The following TENM2 variants were observed in gnomAD, a reference collection of about 807,000 sequenced individuals.
TENM2 encodes the protein teneurin-2.
Under a neutral mutation model 245.2 loss-of-function variants are expected in TENM2, and 52 were observed. The ratio of observed to expected loss-of-function variants is 0.21; its 90% CI spans 0.17 to 0.27. TENM2 has a LOEUF of 0.27. TENM2 is among the 10% of genes least tolerant of loss of function. The pLI, the probability that TENM2 is intolerant of heterozygous loss-of-function variation, is 1.00. For missense variants in TENM2, 3,046 were observed against 3,666.8 expected, an observed-to-expected ratio of 0.83 and a Z score of 4.37; for synonymous variants, 1,363 against 1,438.9, an observed-to-expected ratio of 0.95 and a Z score of 1.19.
chr5:167,643,108 T>G (rs1396373414), intron 2 of TENM2, among the ~76,000 whole-genome samples: 1 of 152,206 alleles, frequency 6.6e-6, no homozygotes, highest in East Asian at 1.9e-4. Flanking sequence ...TCTAACAGTT[T>G]TATAGAGGTA....
the TENM2 span, among the ~76,000 whole-genome samples, chr5:166,988,293 G>T: frequency 6.6e-6 from 1 of 152,098 alleles, no homozygotes; most frequent in Non-Finnish European, 1.5e-5. Flanking sequence ...CTGAATCAGA[G>T]AAGCAATGGC....
chr5:167,939,318 T>G (rs560918049), intron 3 of TENM2, among the ~76,000 whole-genome samples: 71 of 152,284 alleles, frequency 4.7e-4, no homozygotes, highest in Non-Finnish European at 2.5e-4. Context: ...GGGTTCACAC[T>G]CCTCTGAAAA....
At chr5:167,127,522 C>T in the TENM2 span, among the ~76,000 whole-genome samples, 6 of 151,378 alleles carry the variant, frequency 4.0e-5, no homozygotes, top group African/African-American at 1.5e-4. Context: ...AAAACATAAC[C>T]TTAAAATTAA....
At chr5:167,893,369 A>C (rs901516498) in intron 3 of TENM2, among the ~76,000 whole-genome samples, 2 of 152,216 alleles carry the variant, frequency 1.3e-5, no homozygotes, top group African/African-American at 4.8e-5. Context: ...CAAGTTGAGC[A>C]GACTTTAACT....
At chr5:167,900,584 G>A (rs1244004982) in intron 3 of TENM2, among the ~76,000 whole-genome samples, 1 of 152,172 alleles carries the variant, frequency 6.6e-6, no homozygotes, top group Admixed American at 6.5e-5. Flanking sequence ...TTGGCTGTGA[G>A]AATTCATCGA....
the TENM2 span, among the ~76,000 whole-genome samples, chr5:167,094,175 T>C: frequency 9.9e-5 from 15 of 152,192 alleles, no homozygotes; most frequent in African/African-American, 3.6e-4. Flanking sequence ...TTTTATATAT[T>C]ACAATTTTCT....
the TENM2 span, among the ~76,000 whole-genome samples, chr5:167,189,593 C>T: frequency 6.6e-6 from 1 of 150,890 alleles, no homozygotes; most frequent in Non-Finnish European, 1.5e-5. Flanking sequence ...TTTAGAGAGA[C>T]AGTCTCGCCC....
intron 5 of TENM2, among the ~76,000 whole-genome samples, chr5:168,001,853 C>CAA (rs751669637): frequency 3.9e-4 from 59 of 152,184 alleles, no homozygotes; most frequent in Non-Finnish European, 7.2e-4. Context: ...AATAGTCCAT[C>CAA]AACTGTATTA....
chr5:167,021,033 A>G, the TENM2 span, among the ~76,000 whole-genome samples: 2 of 152,156 alleles, frequency 1.3e-5, no homozygotes, highest in African/African-American at 4.8e-5. Flanking sequence ...AGTCCCAGCT[A>G]CTCAGGAGGC....
intron 2 of TENM2, among the ~76,000 whole-genome samples, chr5:167,654,735 T>C (rs987396071): frequency 6.6e-6 from 1 of 152,148 alleles, no homozygotes; most frequent in Admixed American, 6.5e-5. Flanking sequence ...TGCTAAGCAA[T>C]GCATCCAGAA....
chr5:167,431,926 TAC>T (rs1561950095), intron 2 of TENM2, among the ~76,000 whole-genome samples: 1 of 92,012 alleles, frequency 1.1e-5, no homozygotes, highest in African/African-American at 4.0e-5. Flanking sequence ...TATATATATA[TAC>T]ATATATATAT....
At chr5:167,027,969 G>A in the TENM2 span, among the ~76,000 whole-genome samples, 1 of 151,320 alleles carries the variant, frequency 6.6e-6, no homozygotes, top group Non-Finnish European at 1.5e-5. Context: ...TACTCTGGAG[G>A]CTGAGGAAGG....
the TENM2 span, among the ~76,000 whole-genome samples, chr5:167,261,619 G>T: frequency 5.9e-5 from 9 of 152,082 alleles, no homozygotes; most frequent in African/African-American, 7.2e-5. Context: ...AGGTTAAGGG[G>T]ACCATTTCTC....
intron 2 of TENM2, among the ~76,000 whole-genome samples, chr5:167,863,628 A>G (rs1772037066): frequency 6.6e-6 from 1 of 152,150 alleles, no homozygotes; most frequent in African/African-American, 2.4e-5. Context: ...TGGGTGACAG[A>G]GTGAGACTCT....
intron 2 of TENM2, among the ~76,000 whole-genome samples, chr5:167,508,901 C>A (rs1211093995): frequency 6.6e-6 from 1 of 152,266 alleles, no homozygotes; most frequent in East Asian, 1.9e-4. Flanking sequence ...CTCACTGCAA[C>A]CTCTGCTCCC....
At chr5:167,080,044 A>C in the TENM2 span, among the ~76,000 whole-genome samples, 1 of 152,230 alleles carries the variant, frequency 6.6e-6, no homozygotes, top group Non-Finnish European at 1.5e-5. Flanking sequence ...TTTGTCCTGC[A>C]TGATCCAAGG....
the TENM2 span, among the ~76,000 whole-genome samples, chr5:167,108,073 G>A: frequency 4.6e-5 from 7 of 152,146 alleles, no homozygotes; most frequent in East Asian, 3.9e-4. Flanking sequence ...CTCTGCTTTC[G>A]TTGTAGTCAT....
chr5:167,892,045 G>A (rs183540660), intron 3 of TENM2, among the ~76,000 whole-genome samples: 37 of 152,296 alleles, frequency 2.4e-4, no homozygotes, highest in African/African-American at 8.2e-4. Flanking sequence ...TCTGTTGTCA[G>A]ATGCTGCAAG....
At chr5:168,089,209 GA>G (rs1397006711) in intron 7 of TENM2, among the ~76,000 whole-genome samples, 1 of 152,082 alleles carries the variant, frequency 6.6e-6, no homozygotes, top group Non-Finnish European at 1.5e-5. Context: ...CTCTTCCTTA[GA>G]AATGTTCCTC....
Sources: gnomAD v4.1 joint callset for allele counts (sites outside exome capture counted in the v4.1 genomes callset) on GRCh38, gnomAD v4.1.1 for gene constraint, MANE v1.5 for transcripts, NCBI Gene and HGNC (gene_info 2026-07-23, HGNC 2026-07-21) for gene names.